Variants in FOXP2 observed in about 807,000 individuals in gnomAD.
FOXP2 encodes forkhead box P2.
In FOXP2, 12 loss-of-function variants were observed where a neutral mutation model predicts 115.8. The observed-to-expected ratio is 0.10, with a 90% CI of 0.07 to 0.17. The LOEUF (loss-of-function observed/expected upper bound fraction) is 0.17. Ranked by LOEUF, FOXP2 falls within the 10% of genes least tolerant of loss-of-function variation. FOXP2 has a pLI of 1.00. For synonymous variants in FOXP2, 328 were observed against 297.7 expected, an observed-to-expected ratio of 1.10 and a Z score of -1.05; for missense variants, 629 against 843.5, an observed-to-expected ratio of 0.75 and a Z score of 3.15.
chr7:114,676,584 A>G (rs911224095), intron 16 of FOXP2, among the ~76,000 whole-genome samples: 4 of 152,166 alleles, frequency 2.6e-5, no homozygotes, highest in African/African-American at 9.6e-5. Flanking sequence ...ATCCATGATT[A>G]CTATAGAAGT....
At chr7:114,230,440 T>C (rs867118675) in intron 1 of FOXP2, among the ~76,000 whole-genome samples, 60 of 151,952 alleles carry the variant, frequency 3.9e-4, no homozygotes, top group African/African-American at 1.3e-3. Flanking sequence ...TGTGGGCCAG[T>C]ATCCCTGATG....
At chr7:114,459,156 G>A (rs1795450903) in intron 2 of FOXP2, among the ~76,000 whole-genome samples, 2 of 152,184 alleles carry the variant, frequency 1.3e-5, no homozygotes, top group South Asian at 4.1e-4. Flanking sequence ...CCTCTTAAGA[G>A]CTAGGCCCAG....
chr7:114,152,833 G>A (rs1272007931), intron 1 of FOXP2, among the ~76,000 whole-genome samples: 1 of 152,082 alleles, frequency 6.6e-6, no homozygotes, highest in African/African-American at 2.4e-5. Flanking sequence ...TGAATGCCAT[G>A]TGGGGCCCCC....
intron 2 of FOXP2, among the ~76,000 whole-genome samples, chr7:114,366,002 A>C (rs1791871170): frequency 6.6e-6 from 1 of 152,140 alleles, no homozygotes; most frequent in South Asian, 2.1e-4. Context: ...GTCAGAGTAC[A>C]GACCCATTGA....
chr7:114,116,147 G>A (rs1022552518), intron 1 of FOXP2, among the ~76,000 whole-genome samples: 5 of 152,122 alleles, frequency 3.3e-5, no homozygotes, highest in African/African-American at 4.8e-5. Flanking sequence ...AAGTGACACC[G>A]TTGGAACAAC....
chr7:114,301,353 A>G (rs1796875361), intron 2 of FOXP2, among the ~76,000 whole-genome samples: 1 of 152,142 alleles, frequency 6.6e-6, no homozygotes, highest in Admixed American at 6.6e-5. Flanking sequence ...TAGTTTCACA[A>G]ATATTTGGAG....
chr7:114,211,315 T>C (rs1437197972), intron 1 of FOXP2, among the ~76,000 whole-genome samples: 2 of 152,192 alleles, frequency 1.3e-5, no homozygotes, highest in African/African-American at 2.4e-5. Flanking sequence ...CACAGCTCTG[T>C]GTATCAGACC....
intron 2 of FOXP2, among the ~76,000 whole-genome samples, chr7:114,516,160 T>C (rs1484241648): frequency 1.3e-5 from 2 of 151,930 alleles, no homozygotes; most frequent in African/African-American, 4.9e-5. Flanking sequence ...CTTCAAACTA[T>C]ACTACAAGTC....
intron 2 of FOXP2, among the ~76,000 whole-genome samples, chr7:114,364,770 G>A (rs1029759107): frequency 7.9e-5 from 12 of 152,202 alleles, no homozygotes; most frequent in Non-Finnish European, 1.5e-4. Context: ...TTTGATGAGA[G>A]TAAATCAGTC....
intron 1 of FOXP2, among the ~76,000 whole-genome samples, chr7:114,276,358 T>G (rs190409256): frequency 3.3e-5 from 5 of 151,842 alleles, no homozygotes; most frequent in African/African-American, 9.7e-5. Flanking sequence ...AGACACAGGG[T>G]TTCATCATGT....
intron 2 of FOXP2, among the ~76,000 whole-genome samples, chr7:114,456,336 C>T (rs1562937303): frequency 6.6e-6 from 1 of 152,128 alleles, no homozygotes; most frequent in Admixed American, 6.5e-5. Flanking sequence ...AAAACAGTAA[C>T]CCAGGTACAG....
chr7:114,548,045 GA>G (rs1158358734), intron 3 of FOXP2, among the ~76,000 whole-genome samples: 2 of 152,178 alleles, frequency 1.3e-5, no homozygotes, highest in African/African-American at 4.8e-5. Context: ...TCAAGGATGA[GA>G]CAGAGGACCA....
At chr7:114,412,165 A>T (rs1793180382), upstream of FOXP2, among the ~76,000 whole-genome samples, 1 of 152,136 alleles carries the variant, frequency 6.6e-6, no homozygotes, top group South Asian at 2.1e-4. Flanking sequence ...TCTGGTTAGC[A>T]ATCTATTTTT....
chr7:114,266,743 G>A (rs1397657509), intron 1 of FOXP2, among the ~76,000 whole-genome samples: 1 of 152,080 alleles, frequency 6.6e-6, no homozygotes, highest in Non-Finnish European at 1.5e-5. Flanking sequence ...TTGAATCAGG[G>A]ACCATATAAT....
At chr7:114,173,118 G>A (rs1793191245) in intron 1 of FOXP2, among the ~76,000 whole-genome samples, 1 of 151,696 alleles carries the variant, frequency 6.6e-6, no homozygotes, top group African/African-American at 2.4e-5. Context: ...TTATTGAATT[G>A]TTCATGGTTT....
At chr7:114,256,124 CAG>C (rs1384598211) in intron 1 of FOXP2, among the ~76,000 whole-genome samples, 1 of 152,060 alleles carries the variant, frequency 6.6e-6, no homozygotes, top group Non-Finnish European at 1.5e-5. Context: ...TTGTTTGAGA[CAG>C]AGTTTTGCTC....
chr7:114,197,407 G>T (rs75409183), intron 1 of FOXP2, among the ~76,000 whole-genome samples: 2,972 of 152,252 alleles, frequency 0.02, 116 homozygotes, highest in African/African-American at 0.067. Flanking sequence ...GAGGGAGAGA[G>T]AGAAATAAAG....
At chr7:114,531,734 A>G (rs1434480473) in intron 2 of FOXP2, among the ~76,000 whole-genome samples, 1 of 152,006 alleles carries the variant, frequency 6.6e-6, no homozygotes, top group Non-Finnish European at 1.5e-5. Context: ...ATGCATATGA[A>G]AACCAAAATA....
At chr7:114,523,814 A>G (rs1798740371) in intron 2 of FOXP2, among the ~76,000 whole-genome samples, 1 of 151,828 alleles carries the variant, frequency 6.6e-6, no homozygotes, top group Admixed American at 6.6e-5. Context: ...CCCTCAAGTC[A>G]CTCTCCTAGC....
Sources: allele counts gnomAD v4.1 joint callset (sites outside exome capture counted in the v4.1 genomes callset), GRCh38; gene constraint gnomAD v4.1.1; transcripts MANE v1.5; gene names NCBI Gene and HGNC (gene_info 2026-07-23, HGNC 2026-07-21).